Variants in RGS6 observed in about 807,000 individuals in gnomAD.
RGS6 encodes the protein regulator of G-protein signaling 6.
Under a neutral mutation model 78.5 loss-of-function variants are expected in RGS6, and 30 were observed. The ratio of observed to expected loss-of-function variants is 0.38; its 90% CI spans 0.29 to 0.52. The LOEUF is 0.52. Ranked by LOEUF, RGS6 falls within the 20% of genes least tolerant of loss-of-function variation. The pLI is 0.85. For missense variants in RGS6, 495 were observed against 609.7 expected (o/e 0.81, Z 1.98); for synonymous variants, 206 against 206.0 (o/e 1.00, Z 0.00).
intron 12 of RGS6, among the ~76,000 whole-genome samples, chr14:72,493,058 A>C (rs1298429820): frequency 6.6e-6 from 1 of 152,126 alleles, no homozygotes; most frequent in Non-Finnish European, 1.5e-5. Context: ...AATACTGGTA[A>C]ACTTCCCTAT....
intron 2 of RGS6, among the ~76,000 whole-genome samples, chr14:72,074,699 C>A (rs190757836): frequency 1.3e-5 from 2 of 152,106 alleles, no homozygotes; most frequent in Non-Finnish European, 2.9e-5. Context: ...AGCATCCCCC[C>A]ACTTGTTTCT....
In RGS6 at chr14:72,510,244, A is replaced by G; in HGVS notation, c.1056A>G (p.Arg352=). The G allele has an allele frequency of 6.2e-7, 1 of 1,614,182 alleles. No individual in the cohort carries two copies. Among genetic ancestry groups the G allele is most frequent in the African/African-American group, 1.3e-5 (1 of 75,052 alleles). Residue 352 remains arginine (R), a synonymous_variant, in exon 14 of 18, where the codon CGA becomes CGG. Coordinates refer to ENST00000553525, the MANE Select transcript of RGS6 (RefSeq NM_001204424.2). ...KDQVGRDQFL[R]FLESEFSSEN... ...AGGTGGGGCGGGACCAGTTTCTACGATTCCTGGAGTCCGAATTCAGTTCAG... is the reference window on the plus strand; with the variant it reads ...AGGTGGGGCGGGACCAGTTTCTACGGTTCCTGGAGTCCGAATTCAGTTCAG...
At chr14:72,259,910 C>CAAAAAAAAAAAAAAA (rs11287556) in intron 2 of RGS6, among the ~76,000 whole-genome samples, 15 of 68,400 alleles carry the variant, frequency 2.2e-4, no homozygotes, top group African/African-American at 8.1e-4. Flanking sequence ...GACTCCGTCT[C>CAAAAAAAAAAAAAAA]AAAAAAAAAA....
chr14:72,127,419 A>G (rs1057339771), intron 2 of RGS6, among the ~76,000 whole-genome samples: 1 of 152,190 alleles, frequency 6.6e-6, no homozygotes, highest in Non-Finnish European at 1.5e-5. Flanking sequence ...ACATTTTAAT[A>G]TTTAATTGTT....
At chr14:72,074,626 G>C (rs2094514804) in intron 2 of RGS6, among the ~76,000 whole-genome samples, 1 of 152,156 alleles carries the variant, frequency 6.6e-6, no homozygotes, top group Non-Finnish European at 1.5e-5. Flanking sequence ...TTTTGAGGTT[G>C]TACCAGTGTA....
chr14:72,342,211 A>G (rs2077141913), intron 2 of RGS6, among the ~76,000 whole-genome samples: 1 of 149,622 alleles, frequency 6.7e-6, no homozygotes, highest in African/African-American at 2.6e-5. Flanking sequence ...ATGAGAAATA[A>G]AAAAGGATCT....
intron 2 of RGS6, among the ~76,000 whole-genome samples, chr14:72,292,059 C>CTT (rs10638715): frequency 4.5e-3 from 3 of 666 alleles, no homozygotes; most frequent in African/African-American, 7.2e-3. Flanking sequence ...AACACAGTAA[C>CTT]ACGGTAGGGA....
chr14:72,365,073 A>G (rs916549763), intron 3 of RGS6, among the ~76,000 whole-genome samples: 1 of 152,240 alleles, frequency 6.6e-6, no homozygotes, highest in Admixed American at 6.5e-5. Context: ...GCAACTGTTA[A>G]TGACCTACAC....
At chr14:72,172,143 G>A (rs1396492276) in intron 2 of RGS6, among the ~76,000 whole-genome samples, 1 of 152,020 alleles carries the variant, frequency 6.6e-6, no homozygotes, top group Non-Finnish European at 1.5e-5. Flanking sequence ...CAAGGAAATC[G>A]ATTTCATTCC....
chr14:72,173,693 A>G (rs1030775879), intron 2 of RGS6, among the ~76,000 whole-genome samples: 2 of 152,172 alleles, frequency 1.3e-5, no homozygotes, highest in African/African-American at 2.4e-5. Context: ...TGTGAATTCT[A>G]TTTAAAAATA....
At chr14:72,291,598 G>A (rs532079823) in intron 2 of RGS6, among the ~76,000 whole-genome samples, 102 of 152,304 alleles carry the variant, frequency 6.7e-4, no homozygotes, top group Admixed American at 1.1e-3. Context: ...GTGTTGAAAA[G>A]TGTTTGTTGA....
chr14:72,588,479 C>A, the RGS6 span, among the ~76,000 whole-genome samples: 696 of 152,278 alleles, frequency 4.6e-3, 9 homozygotes, highest in African/African-American at 0.016. Flanking sequence ...GAGGCAAATT[C>A]TAGTGAAAGT....
At chr14:72,327,973 C>A (rs1785152721) in intron 2 of RGS6, among the ~76,000 whole-genome samples, 3 of 152,042 alleles carry the variant, frequency 2.0e-5, no homozygotes, top group Admixed American at 2.0e-4. Context: ...TTTGTAGAGG[C>A]TGAGAAGTGC....
chr14:72,276,629 T>C (rs847341), intron 2 of RGS6, among the ~76,000 whole-genome samples: 141,302 of 152,096 alleles, frequency 0.93, 65,821 homozygotes, highest in African/African-American at 0.96. Context: ...CCATACTGTT[T>C]TCGTGGTAGT....
At chr14:72,318,847 G>A (rs1213340269) in intron 2 of RGS6, among the ~76,000 whole-genome samples, 1 of 152,216 alleles carries the variant, frequency 6.6e-6, no homozygotes, top group African/African-American at 2.4e-5. Context: ...CAGTCATCCT[G>A]TGTGTATAGG....
At chr14:72,097,869 A>G (rs998375988) in intron 2 of RGS6, among the ~76,000 whole-genome samples, 3 of 152,122 alleles carry the variant, frequency 2.0e-5, no homozygotes, top group African/African-American at 7.2e-5. Context: ...ACCAGCTCTT[A>G]GCCTGATATC....
rs2095726926 is a variant in RGS6, at chr14:72,459,683, G to A, written c.394G>A (p.Ala132Thr). ...NCWEPENTDY[A>T]IYLCKRTMQN... ...CTGGGAACCTGAAAACACTGACTAT[G>A]GTGAGAACTGAAGCCACTGGGAACT... Residue 132 changes from alanine to threonine, a missense_variant and splice_region_variant, in exon 6 of 18, where the codon GCC (alanine) becomes ACC (threonine). Transcript: ENST00000553525. 3.1e-6 allele frequency: 5 copies of A among 1,614,092 alleles called. No homozygotes were observed. Among genetic ancestry groups the A allele is most frequent in the Non-Finnish European group, 4.2e-6 (5 of 1,179,970 alleles).
At chr14:72,534,464 C>T (rs1177054125) in intron 15 of RGS6, among the ~76,000 whole-genome samples, 2 of 152,206 alleles carry the variant, frequency 1.3e-5, no homozygotes, top group Non-Finnish European at 2.9e-5. Flanking sequence ...CTTTCTGTAC[C>T]TGACTTATTT....
chr14:72,510,743 A>G (rs924046857), intron 14 of RGS6, among the ~76,000 whole-genome samples: 8 of 152,216 alleles, frequency 5.3e-5, no homozygotes, highest in African/African-American at 1.9e-4. Flanking sequence ...AATATCACTC[A>G]GTAACTGGTG....
Sources: allele counts gnomAD v4.1 joint callset (sites outside exome capture counted in the v4.1 genomes callset), GRCh38; gene constraint gnomAD v4.1.1; transcripts MANE v1.5; gene names NCBI Gene and HGNC (gene_info 2026-07-23, HGNC 2026-07-21).